Variants in INSC observed in about 807,000 individuals in gnomAD.
INSC encodes the protein protein inscuteable homolog.
In INSC, 67 loss-of-function variants were observed where a neutral mutation model predicts 58.6. The ratio of observed to expected loss-of-function variants is 1.14; its 90% CI spans 0.94 to 1.40. The LOEUF (loss-of-function observed/expected upper bound fraction) is 1.40. INSC is among the 40% of genes most tolerant of loss of function. The probability of loss-of-function intolerance (pLI) is 0.00; values close to 1 mark genes in which losing one functional copy is unlikely to be tolerated. For missense variants in INSC, 714 were observed against 692.0 expected (o/e 1.03, Z -0.36); for synonymous variants, 262 against 276.1 (o/e 0.95, Z 0.51).
intron 2 of INSC, among the ~76,000 whole-genome samples, chr11:15,166,808 C>T (rs949621569): frequency 6.6e-6 from 1 of 152,064 alleles, no homozygotes; most frequent in Non-Finnish European, 1.5e-5. Context: ...AGGAGAGACA[C>T]AGATGGGAAG....
intron 5 of INSC, among the ~76,000 whole-genome samples, chr11:15,186,195 A>G (rs1390828632): frequency 6.6e-6 from 1 of 151,782 alleles, no homozygotes; most frequent in Non-Finnish European, 1.5e-5. Context: ...TCAGAATAGC[A>G]TCTTCCTATA....
intron 6 of INSC, among the ~76,000 whole-genome samples, chr11:15,197,409 G>A (rs1850412677): frequency 6.6e-6 from 1 of 152,162 alleles, no homozygotes. Context: ...TAGAATTACT[G>A]TGTTTGGGTT....
intron 1 of INSC, among the ~76,000 whole-genome samples, chr11:15,118,876 C>G (rs1012089118): frequency 2.0e-5 from 3 of 152,180 alleles, no homozygotes; most frequent in Non-Finnish European, 4.4e-5. Flanking sequence ...TTTTTAGGCT[C>G]TTTCCATCTT....
At chr11:15,194,666 C>G (rs1784650296) in intron 6 of INSC, among the ~76,000 whole-genome samples, 2 of 152,194 alleles carry the variant, frequency 1.3e-5, no homozygotes, top group Admixed American at 1.3e-4. Flanking sequence ...ATTCACAAAA[C>G]CATCCTATGA....
chr11:15,194,832 C>A (rs984192778), intron 6 of INSC, among the ~76,000 whole-genome samples: 4 of 152,186 alleles, frequency 2.6e-5, no homozygotes, highest in Non-Finnish European at 5.9e-5. Flanking sequence ...GTGGTGACTT[C>A]TGGTTCAATC....
chr11:15,219,518 T>G (rs941502680), intron 7 of INSC, among the ~76,000 whole-genome samples: 12 of 152,016 alleles, frequency 7.9e-5, no homozygotes, highest in Admixed American at 7.9e-4. Context: ...CAGTCTGGAC[T>G]AGGGAGCAGG....
chr11:15,230,528 C>G (rs564088014), intron 9 of INSC, among the ~76,000 whole-genome samples: 1 of 152,176 alleles, frequency 6.6e-6, no homozygotes, highest in African/African-American at 2.4e-5. Flanking sequence ...CAGGCTCCAC[C>G]TCTAACATAG....
intron 7 of INSC, among the ~76,000 whole-genome samples, chr11:15,218,562 CTA>C (rs372606638): frequency 6.0e-5 from 9 of 150,618 alleles, no homozygotes; most frequent in South Asian, 2.1e-4. Context: ...CTCTCTCTCT[CTA>C]TATATATATA....
At chr11:15,180,795 G>A (rs567895311) in intron 5 of INSC, among the ~76,000 whole-genome samples, 1 of 151,876 alleles carries the variant, frequency 6.6e-6, no homozygotes, top group East Asian at 2.0e-4. Flanking sequence ...TTCCCTGCCA[G>A]CAAGTCCCAT....
At chr11:15,169,084 G>A (rs772753320) in intron 2 of INSC, among the ~76,000 whole-genome samples, 12 of 152,208 alleles carry the variant, frequency 7.9e-5, no homozygotes, top group African/African-American at 1.7e-4. Context: ...GCTCAAACTC[G>A]TAGACAATAG....
chr11:15,200,191 A>AC lies in INSC; in HGVS notation c.694-633_694-632insC, dbSNP rs61125256. Among the ~76,000 whole-genome samples, 3 of 148,682 alleles carry AC rather than the reference A, an allele frequency of 2.0e-5. No individual in the cohort carries two copies. The East Asian group carries it at 5.9e-4, about 29-fold the overall frequency. On this transcript the variant is annotated intron_variant, in intron 6 of 12. Transcript: ENST00000379556. ...CACACACACACACACACACACACAC[A>AC]AACAGGAGTAAACGAGTGAAAATGA...
At chr11:15,186,270 ACT>A (rs1212629187) in intron 5 of INSC, among the ~76,000 whole-genome samples, 1 of 151,306 alleles carries the variant, frequency 6.6e-6, no homozygotes, top group East Asian at 1.9e-4. Context: ...CCAGTAATGA[ACT>A]CTGCCCCCAA....
intron 7 of INSC, among the ~76,000 whole-genome samples, chr11:15,218,119 G>A (rs1851291451): frequency 6.6e-6 from 1 of 152,162 alleles, no homozygotes; most frequent in South Asian, 2.1e-4. Context: ...GCAAAAGCTG[G>A]GAAGCCACTC....
intron 10 of INSC, among the ~76,000 whole-genome samples, chr11:15,236,541 C>T (rs1852138066): frequency 6.6e-6 from 1 of 152,210 alleles, no homozygotes; most frequent in Non-Finnish European, 1.5e-5. Flanking sequence ...CTCCCTTGTT[C>T]CATCTTGTGC....
chr11:15,245,240 A>T (rs1300446832), intron 12 of INSC, among the ~76,000 whole-genome samples: 1 of 152,142 alleles, frequency 6.6e-6, no homozygotes, highest in Non-Finnish European at 1.5e-5. Context: ...GGAAGCCTTC[A>T]TGGGGGAGGT....
intron 1 of INSC, among the ~76,000 whole-genome samples, chr11:15,125,793 C>T (rs189691503): frequency 6.6e-6 from 1 of 152,256 alleles, no homozygotes; most frequent in Non-Finnish European, 1.5e-5. Flanking sequence ...TAGGAGATCA[C>T]CAGTCAGCTA....
intron 1 of INSC, among the ~76,000 whole-genome samples, chr11:15,121,315 A>AT (rs202172022): frequency 0.032 from 4,929 of 152,074 alleles, 123 homozygotes; most frequent in Non-Finnish European, 0.052. Flanking sequence ...TTATTTATTT[A>AT]TTTTTTGAAC....
intron 1 of INSC, among the ~76,000 whole-genome samples, chr11:15,125,107 A>C (rs545649005): frequency 6.6e-5 from 10 of 152,302 alleles, no homozygotes; most frequent in South Asian, 4.1e-4. Flanking sequence ...GGTGGTTTAT[A>C]TATTTATACA....
chr11:15,123,133 T>C (rs145193714), intron 1 of INSC, among the ~76,000 whole-genome samples: 2 of 152,294 alleles, frequency 1.3e-5, no homozygotes, highest in African/African-American at 4.8e-5. Flanking sequence ...TCTTCCTGAC[T>C]CCACCTACCG....
Sources: allele counts gnomAD v4.1 joint callset (sites outside exome capture counted in the v4.1 genomes callset), GRCh38; gene constraint gnomAD v4.1.1; transcripts MANE v1.5; gene names NCBI Gene and HGNC (gene_info 2026-07-23, HGNC 2026-07-21).